Variants in PDXDC1 observed in about 807,000 individuals in gnomAD.
PDXDC1 encodes the protein pyridoxal dependent decarboxylase domain containing 1.
PDXDC1 carries 42 observed loss-of-function variants against 100.1 expected under a neutral mutation model. The ratio of observed to expected loss-of-function variants is 0.42; its 90% CI spans 0.33 to 0.54. PDXDC1 has a LOEUF of 0.54. Among genes scored for constraint, PDXDC1 ranks in the 20% least tolerant of loss-of-function variants. The probability of loss-of-function intolerance (pLI) is 0.10; values close to 1 mark genes in which losing one functional copy is unlikely to be tolerated. For synonymous variants in PDXDC1, 260 were observed against 371.7 expected, an observed-to-expected ratio of 0.70 and a Z score of 3.46; for missense variants, 636 against 979.2, an observed-to-expected ratio of 0.65 and a Z score of 4.68.
At chr16:15,000,051 A>C in intron 3 of PDXDC1, among the ~76,000 whole-genome samples, 1 of 152,290 alleles carries the variant, frequency 6.6e-6, no homozygotes, top group East Asian at 1.9e-4. Flanking sequence ...AATAATGCTG[A>C]TGTGAAGCTA....
chr16:15,125,689 A>C (rs1344248664), intron 16 of PDXDC1: 1 of 1,364,986 alleles, frequency 7.3e-7, no homozygotes, highest in Non-Finnish European at 1.0e-6. Context: ...TAGAGCCCTC[A>C]CCTCAGCGTG....
At chr16:15,122,666 C>A (rs894513015) in intron 16 of PDXDC1, among the ~76,000 whole-genome samples, 1 of 151,060 alleles carries the variant, frequency 6.6e-6, no homozygotes, top group South Asian at 2.1e-4. Flanking sequence ...GCTGATAAAT[C>A]CCAGCAGGAG....
chr16:15,079,356 G>T (rs145059986), intron 16 of PDXDC1, among the ~76,000 whole-genome samples: 2 of 152,126 alleles, frequency 1.3e-5, no homozygotes, highest in Non-Finnish European at 2.9e-5. Context: ...CTTAAGAAAG[G>T]CCAAACAGGA....
At chr16:15,063,704 C>CAAAAAAAAAAAAAAAAAAAAAA (rs10664930) in intron 16 of PDXDC1, among the ~76,000 whole-genome samples, 1 of 89,130 alleles carries the variant, frequency 1.1e-5, no homozygotes, top group Non-Finnish European at 2.0e-5. Flanking sequence ...GACTCTGTCT[C>CAAAAAAAAAAAAAAAAAAAAAA]AAAAAAAAAA....
At chr16:15,084,031 A>G (rs2045812540) in intron 16 of PDXDC1, among the ~76,000 whole-genome samples, 2 of 152,136 alleles carry the variant, frequency 1.3e-5, no homozygotes. Context: ...TGGAACTTAC[A>G]ATGTATAGCT....
At chr16:15,065,441 G>A in intron 16 of PDXDC1, 1 of 1,386,390 alleles carries the variant, frequency 7.2e-7, no homozygotes, top group East Asian at 2.3e-5. Context: ...GATGTGAGCT[G>A]CGTGTGACAA....
At chr16:15,105,150 A>AGAC (rs1410928243) in intron 16 of PDXDC1, among the ~76,000 whole-genome samples, 1 of 120,482 alleles carries the variant, frequency 8.3e-6, no homozygotes, top group African/African-American at 3.0e-5. Context: ...CCAGGTCAAC[A>AGAC]GACAGTAAGA....
intron 18 of PDXDC1, 146 bp downstream of exon 18, chr16:15,033,125 T>G: frequency 1.0e-6 from 1 of 1,000,300 alleles, no homozygotes; most frequent in Non-Finnish European, 1.5e-6. Flanking sequence ...TCCCTCCCCT[T>G]CTGCAGCCTT....
chr16:15,037,904 T>TTGAA lies in PDXDC1; in HGVS notation c.*1630_*1633dup, dbSNP rs2043588308. On this transcript the variant is annotated 3_prime_UTR_variant, in exon 23 of 23. Coordinates refer to ENST00000396410, the MANE Select transcript of PDXDC1 (RefSeq NM_015027.4). ...TTGAAAGTCATTTGATGAAAGTCATTTGAAAGACACTGAGGAGGGAAGGAG... is the reference window on the plus strand; with the variant it reads ...TTGAAAGTCATTTGATGAAAGTCATTTGAATGAAAGACACTGAGGAGGGAAGGAG... The TTGAA allele has an allele frequency of 3.3e-6, 2 of 598,906 alleles. No individual in the cohort carries two copies. The highest frequency in any genetic ancestry group is 5.6e-5 in the South Asian group (2 of 36,002). 37.1% of individuals were successfully genotyped at this position (598,906 alleles called of 1,614,324 possible). A position where few individuals can be genotyped will look rare whatever the true frequency, so the allele number is the denominator to read the frequency against.
intron 16 of PDXDC1, among the ~76,000 whole-genome samples, chr16:15,082,781 A>T (rs1243116741): frequency 6.6e-6 from 1 of 152,112 alleles, no homozygotes; most frequent in East Asian, 1.9e-4. Flanking sequence ...TACTAAGGCA[A>T]CCACTATTAA....
At chr16:15,130,510 G>A (rs866527396) in intron 16 of PDXDC1, 100 of 1,340,766 alleles carry the variant, frequency 7.5e-5, no homozygotes, top group African/African-American at 2.0e-4. Flanking sequence ...TTGGATATCG[G>A]AGTCCCAGAG....
At chr16:15,047,467 A>G (rs1233685797) in intron 16 of PDXDC1, 3 of 1,612,578 alleles carry the variant, frequency 1.9e-6, no homozygotes, top group Non-Finnish European at 1.7e-6. Flanking sequence ...TGGTCAGAAA[A>G]GGATTTTATG....
At chr16:15,083,050 A>G (rs2151807036) in intron 16 of PDXDC1, among the ~76,000 whole-genome samples, 1 of 152,348 alleles carries the variant, frequency 6.6e-6, no homozygotes, top group African/African-American at 2.4e-5. Flanking sequence ...TAAGAAAGGA[A>G]TCTGAGTCAA....
chr16:15,141,783 C>A (rs2941266), downstream of PDXDC1, among the ~76,000 whole-genome samples: 106,472 of 152,142 alleles, frequency 0.7, 40,048 homozygotes, highest in Admixed American at 0.83. Context: ...GGCTGGGAGA[C>A]CAGCAAGAGG....
At chr16:15,032,260 C>A (rs1489634071) in intron 17 of PDXDC1, 2 of 265,520 alleles carry the variant, frequency 7.5e-6, no homozygotes, top group Non-Finnish European at 1.5e-5. Context: ...GGGGAGAGAA[C>A]TGGGTGCAGT....
intron 1 of PDXDC1, among the ~76,000 whole-genome samples, chr16:14,982,754 G>C (rs1236276034): frequency 1.3e-5 from 2 of 152,260 alleles, no homozygotes; most frequent in Non-Finnish European, 2.9e-5. Flanking sequence ...TCTTGCTGTG[G>C]CTTCTCAGTG....
intron 5 of PDXDC1, among the ~76,000 whole-genome samples, chr16:15,005,575 A>G (rs1316835279): frequency 6.6e-6 from 1 of 152,276 alleles, no homozygotes; most frequent in East Asian, 1.9e-4. Context: ...AGTTTGCCCA[A>G]CTTTATTAAA....
At chr16:15,143,069 C>T (rs1428440738), downstream of PDXDC1, among the ~76,000 whole-genome samples, 1 of 152,132 alleles carries the variant, frequency 6.6e-6, no homozygotes, top group Non-Finnish European at 1.5e-5. Flanking sequence ...TGAAGCCAAG[C>T]TTGTTGGGAG....
At chr16:15,143,390 G>T (rs1026855003), downstream of PDXDC1, among the ~76,000 whole-genome samples, 2 of 152,228 alleles carry the variant, frequency 1.3e-5, no homozygotes, top group African/African-American at 2.4e-5. Context: ...CACGTCCCAG[G>T]GCTGTGGGCA....
Sources: allele counts gnomAD v4.1 joint callset (sites outside exome capture counted in the v4.1 genomes callset), GRCh38; gene constraint gnomAD v4.1.1; transcripts MANE v1.5; gene names NCBI Gene and HGNC (gene_info 2026-07-23, HGNC 2026-07-21).